Variants in CALCR observed in about 807,000 individuals in gnomAD.
CALCR encodes calcitonin receptor.
A neutral mutation model predicts 59.5 loss-of-function variants in CALCR; 47 were observed. That is an observed-to-expected ratio of 0.79 (90% CI 0.63 to 1.01). The LOEUF (loss-of-function observed/expected upper bound fraction) is 1.01, where lower values mean the gene tolerates loss of function less well. Ranked by LOEUF, CALCR falls within the 50% of genes least tolerant of loss-of-function variation. CALCR has a pLI of 0.00. For synonymous variants in CALCR, 213 were observed against 211.3 expected (o/e 1.01, Z -0.07); for missense variants, 566 against 597.1 (o/e 0.95, Z 0.54).
At chr7:93,443,816 C>G (rs893250593) in intron 8 of CALCR, 59 bp from the exon 9 acceptor site, 1 of 1,487,364 alleles carries the variant, frequency 6.7e-7, no homozygotes, top group Non-Finnish European at 9.3e-7. Context: ...TGCCAGGGAG[C>G]ACAGAGCAAA....
intron 9 of CALCR, among the ~76,000 whole-genome samples, chr7:93,441,137 C>T (rs940490490): frequency 8.5e-5 from 13 of 152,092 alleles, no homozygotes; most frequent in Non-Finnish European, 1.9e-4. Flanking sequence ...ATAAATTGTT[C>T]CTTCCAGGGT....
At chr7:93,485,862 T>A (rs560048833) in intron 3 of CALCR, among the ~76,000 whole-genome samples, 78 of 151,764 alleles carry the variant, frequency 5.1e-4, no homozygotes, top group Non-Finnish European at 9.7e-4. Context: ...ATTATCCAAA[T>A]AGGTGCAAAA....
At chr7:93,426,880 T>A (rs1331219033) in intron 13 of CALCR, among the ~76,000 whole-genome samples, 1 of 152,208 alleles carries the variant, frequency 6.6e-6, no homozygotes, top group African/African-American at 2.4e-5. Flanking sequence ...TTGATTTGGT[T>A]TCACAGGTAA....
chr7:93,426,334 CG>C lies in CALCR; in HGVS notation c.*21del. ...CCAGGAAATGATGGCTCAGTGATCA[CG>C]ATGCTGTGTTTGCTTCACATTCAAG... On this transcript the variant is annotated 3_prime_UTR_variant, in exon 14 of 14. Transcript: ENST00000426151. The C allele has an allele frequency of 7.5e-7, 1 of 1,333,942 alleles. No individual in the cohort carries two copies. Among genetic ancestry groups the C allele is most frequent in the Non-Finnish European group, 1.1e-6 (1 of 925,518 alleles). 82.6% of individuals were successfully genotyped at this position (1,333,942 alleles called of 1,614,324 possible).
intron 2 of CALCR, among the ~76,000 whole-genome samples, chr7:93,499,652 T>C (rs954648791): frequency 1.3e-5 from 2 of 151,780 alleles, no homozygotes; most frequent in Non-Finnish European, 2.9e-5. Flanking sequence ...TTGCCATGCT[T>C]GTTTGGCTAA....
intron 2 of CALCR, among the ~76,000 whole-genome samples, chr7:93,551,886 ATT>A (rs1563017936): frequency 6.6e-6 from 1 of 152,168 alleles, no homozygotes; most frequent in African/African-American, 2.4e-5. Flanking sequence ...ATTGAGATAT[ATT>A]TTCAATATAG....
At chr7:93,571,181 A>T (rs1789995418) in intron 2 of CALCR, among the ~76,000 whole-genome samples, 1 of 152,174 alleles carries the variant, frequency 6.6e-6, no homozygotes, top group Non-Finnish European at 1.5e-5. Flanking sequence ...GCTCTGGAAG[A>T]TCACATTCAC....
intron 11 of CALCR, among the ~76,000 whole-genome samples, chr7:93,437,076 A>G (rs939299568): frequency 2.0e-5 from 3 of 151,964 alleles, no homozygotes; most frequent in African/African-American, 7.2e-5. Context: ...TTAGTCATGA[A>G]ATTAATAAGA....
chr7:93,466,076 G>T (rs1217125380), intron 7 of CALCR, among the ~76,000 whole-genome samples: 2 of 151,762 alleles, frequency 1.3e-5, no homozygotes, highest in Non-Finnish European at 2.9e-5. Flanking sequence ...GTGGAGCTGG[G>T]TAACTTTTCA....
At chr7:93,573,050 A>C (rs1291753366) in intron 2 of CALCR, among the ~76,000 whole-genome samples, 1 of 152,162 alleles carries the variant, frequency 6.6e-6, no homozygotes, top group East Asian at 1.9e-4. Context: ...GAGAATACCA[A>C]CTTAAACTGT....
intron 8 of CALCR, among the ~76,000 whole-genome samples, chr7:93,449,883 T>A (rs780610843): frequency 6.6e-6 from 1 of 152,108 alleles, no homozygotes; most frequent in Admixed American, 6.6e-5. Context: ...TGTGAGTTCT[T>A]TAGAGGATGG....
intron 8 of CALCR, among the ~76,000 whole-genome samples, chr7:93,457,265 T>G (rs1376632582): frequency 6.6e-6 from 1 of 152,160 alleles, no homozygotes; most frequent in Non-Finnish European, 1.5e-5. Flanking sequence ...CCTTGGGAGT[T>G]TTGAAAAGCT....
At chr7:93,544,680 A>G (rs575991181) in intron 2 of CALCR, among the ~76,000 whole-genome samples, 1 of 152,028 alleles carries the variant, frequency 6.6e-6, no homozygotes, top group East Asian at 1.9e-4. Flanking sequence ...TGTTTTTCTA[A>G]TTCTCCGTAG....
At chr7:93,426,785 G>A (rs1171572450) in intron 13 of CALCR, among the ~76,000 whole-genome samples, 196 bp from the exon 14 acceptor site, 4 of 152,288 alleles carry the variant, frequency 2.6e-5, no homozygotes, top group Non-Finnish European at 4.4e-5. Context: ...GAAGAACTGA[G>A]TTACTTGCTT....
chr7:93,540,994 G>T (rs1789122769), intron 2 of CALCR, among the ~76,000 whole-genome samples: 1 of 151,922 alleles, frequency 6.6e-6, no homozygotes, highest in Non-Finnish European at 1.5e-5. Flanking sequence ...GAGTGATTTG[G>T]CATGAGAACT....
intron 2 of CALCR, among the ~76,000 whole-genome samples, chr7:93,514,720 T>G (rs1232748820): frequency 2.0e-5 from 3 of 152,048 alleles, no homozygotes; most frequent in Non-Finnish European, 4.4e-5. Flanking sequence ...GTGCATATTT[T>G]AAAGGTACTA....
intron 5 of CALCR, among the ~76,000 whole-genome samples, chr7:93,473,792 T>C (rs1290735157): frequency 1.3e-5 from 2 of 151,722 alleles, no homozygotes; most frequent in African/African-American, 2.4e-5. Context: ...GTGCTTGCTT[T>C]GTGGTGTCTG....
intron 2 of CALCR, among the ~76,000 whole-genome samples, chr7:93,558,622 A>G (rs545863907): frequency 6.6e-6 from 1 of 152,124 alleles, no homozygotes; most frequent in Non-Finnish European, 1.5e-5. Flanking sequence ...TTTAACTGGA[A>G]TAAAAAAACC....
intron 8 of CALCR, among the ~76,000 whole-genome samples, chr7:93,454,124 C>T (rs543374723): frequency 1.9e-4 from 29 of 152,042 alleles, no homozygotes; most frequent in South Asian, 8.3e-4. Flanking sequence ...ATCTCGGTTA[C>T]CTCTGTCACA....
Sources: allele counts gnomAD v4.1 joint callset (sites outside exome capture counted in the v4.1 genomes callset), GRCh38; gene constraint gnomAD v4.1.1; transcripts MANE v1.5; gene names NCBI Gene and HGNC (gene_info 2026-07-23, HGNC 2026-07-21).